The following DAPK2 variants were observed in gnomAD, a reference collection of about 807,000 sequenced individuals.
The protein encoded by DAPK2 is death associated protein kinase 2.
A neutral mutation model predicts 44.1 loss-of-function variants in DAPK2; 35 were observed. The ratio of observed to expected loss-of-function variants is 0.79; its 90% CI spans 0.61 to 1.05. The LOEUF is 1.05. Among genes scored for constraint, DAPK2 ranks in the 50% least tolerant of loss-of-function variants. The pLI, the probability that DAPK2 is intolerant of heterozygous loss-of-function variation, is 0.00. For missense variants in DAPK2, 453 were observed against 483.2 expected, an observed-to-expected ratio of 0.94 and a Z score of 0.59; for synonymous variants, 174 against 182.6, an observed-to-expected ratio of 0.95 and a Z score of 0.38.
intron 2 of DAPK2, 39 bp downstream of exon 3, chr15:63,983,494 C>G: frequency 6.3e-7 from 1 of 1,591,508 alleles, no homozygotes; most frequent in East Asian, 2.2e-5. Context: ...CCTGCCCCTG[C>G]TGCCCCCCAA....
chr15:63,983,769 A>T lies in DAPK2; in HGVS notation c.93-15T>A. 1 of 1,605,928 alleles carries T rather than the reference A, an allele frequency of 6.2e-7. No homozygotes were observed. Among genetic ancestry groups the T allele is most frequent in the South Asian group, 1.1e-5 (1 of 90,892 alleles). The stretch of plus-strand genomic sequence containing the variant: ...CAAACTGGCCACTGTGGGGACACAG[A>T]CCCACAAGATTAGGTCATCACTGTG... On this transcript the variant is annotated splice_polypyrimidine_tract_variant and intron_variant, in intron 1 of 10. Coordinates refer to ENST00000261891, the Ensembl canonical transcript of DAPK2.
At chr15:63,986,941 G>T (rs926015182) in intron 1 of DAPK2, among the ~76,000 whole-genome samples, 1 of 152,118 alleles carries the variant, frequency 6.6e-6, no homozygotes, top group Non-Finnish European at 1.5e-5. Context: ...CTCATTTTCA[G>T]TATTACACTT....
chr15:64,010,893 A>C (rs949458253), intron 1 of DAPK2, among the ~76,000 whole-genome samples: 9 of 152,150 alleles, frequency 5.9e-5, no homozygotes, highest in Non-Finnish European at 1.5e-5. Flanking sequence ...ACCGCATCAC[A>C]AGAGGGTTCA....
In DAPK2 at chr15:63,912,007, G is replaced by A; in HGVS notation, c.949-16C>T. On this transcript the variant is annotated splice_polypyrimidine_tract_variant and intron_variant, in intron 9 of 10. Coordinates refer to ENST00000261891, the Ensembl canonical transcript of DAPK2. This position sits in a 1 kb window ranked among gnomAD's most constrained non-coding sequence, Gnocchi z 4.4. ...TGAAGGAAAGCTGAGGGAGGCAGAG[G>A]AAAGGAATCCCCAGGTGAGAATGTG... 1.9e-6 allele frequency: 3 copies of A among 1,612,872 alleles called. No individual in the cohort carries two copies. The highest frequency in any genetic ancestry group is 2.5e-6 in the Non-Finnish European group (3 of 1,179,492).
At chr15:64,002,974 C>CTGTGTG (rs58879927) in intron 1 of DAPK2, among the ~76,000 whole-genome samples, 3,259 of 51,528 alleles carry the variant, frequency 0.063, 415 homozygotes, top group East Asian at 0.18. Context: ...GTCGTGGGAC[C>CTGTGTG]TGTGTGTGTG....
In DAPK2 at chr15:63,982,839, G is replaced by A. The variant is rs965116819; in HGVS notation, c.314+694C>T. Among the ~76,000 whole-genome samples the A allele has an allele frequency of 2.1e-4, 32 of 152,312 alleles. No homozygotes were observed. The East Asian group carries it at 5.2e-3, about 25-fold the overall frequency. On this transcript the variant is annotated intron_variant, in intron 2 of 10. Transcript: ENST00000261891. ...ATGGGGATAATAAGAGTGTCTGTGT[G>A]ACAGCGTTGTTATGAGGATTAAATA...
intron 1 of DAPK2, among the ~76,000 whole-genome samples, chr15:64,011,920 C>G (rs1373245173): frequency 2.6e-5 from 4 of 152,164 alleles, no homozygotes; most frequent in Non-Finnish European, 5.9e-5. Context: ...TCCCAGGAAG[C>G]AAAACCCCTC....
In DAPK2 at chr15:63,971,183, G is replaced by A. The variant is rs375361005; in HGVS notation, c.453+240C>T. Reference sequence around the variant, plus strand: ...GCTCCCTGAAATAAATAAGGTGCCTGAAGTCTGATTTAAGCAGCTTCTTGC... The same window carrying A: ...GCTCCCTGAAATAAATAAGGTGCCTAAAGTCTGATTTAAGCAGCTTCTTGC... On this transcript the variant is annotated intron_variant, in intron 3 of 10. Coordinates refer to ENST00000261891, the Ensembl canonical transcript of DAPK2. Among the ~76,000 whole-genome samples the A allele has an allele frequency of 3.9e-5, 6 of 152,194 alleles. No individual in the cohort carries two copies. The East Asian group carries it at 9.6e-4, about 24-fold the overall frequency.
intron 10 of DAPK2, chr15:63,909,679 G>A (rs1284438623): frequency 6.6e-6 from 1 of 152,166 alleles, no homozygotes; most frequent in Non-Finnish European, 1.5e-5. Context: ...GTGCAAGCCT[G>A]TAATCCCAGC....
intron 3 of DAPK2, among the ~76,000 whole-genome samples, chr15:63,962,173 G>C (rs2077920887): frequency 6.6e-6 from 1 of 152,162 alleles, no homozygotes; most frequent in Non-Finnish European, 1.5e-5. Flanking sequence ...TAGTTCTCGT[G>C]CCAGGGTTTT....
intron 1 of DAPK2, among the ~76,000 whole-genome samples, chr15:64,012,786 G>C (rs1331605789): frequency 6.6e-6 from 1 of 152,180 alleles, no homozygotes; most frequent in African/African-American, 2.4e-5. Flanking sequence ...GGACTAGAGA[G>C]GTTCAGGAGG....
intron 10 of DAPK2, chr15:63,909,333 C>G (rs75474991): frequency 8.2e-6 from 1 of 122,584 alleles, no homozygotes; most frequent in Admixed American, 7.9e-5. Context: ...TATCATTACT[C>G]TTTTTTTTTT....
At chr15:64,044,200 A>AATGTT (rs1218096325), upstream of DAPK2, among the ~76,000 whole-genome samples, 7 of 152,218 alleles carry the variant, frequency 4.6e-5, no homozygotes, top group Non-Finnish European at 7.3e-5. Context: ...ACAGGCCATC[A>AATGTT]GCTCCAGATG....
intron 3 of DAPK2, among the ~76,000 whole-genome samples, chr15:63,954,004 T>C (rs1278419530): frequency 6.6e-6 from 1 of 152,208 alleles, no homozygotes; most frequent in Non-Finnish European, 1.5e-5. Context: ...ATCAGATTAT[T>C]AGATTTTTTT....
At chr15:63,997,369 C>A (rs760127256) in intron 1 of DAPK2, among the ~76,000 whole-genome samples, 1 of 152,134 alleles carries the variant, frequency 6.6e-6, no homozygotes, top group Non-Finnish European at 1.5e-5. Flanking sequence ...GCTCTGTCAC[C>A]CAGGCTGGAG....
rs2079642728 is a variant in DAPK2 at position 64,020,082 on chromosome 15, G to C, written c.92+20088C>G. Among the ~76,000 whole-genome samples, 1 of 152,200 alleles carries C rather than the reference G, an allele frequency of 6.6e-6. No homozygotes were observed. The highest frequency in any genetic ancestry group is 2.4e-5 in the African/African-American group (1 of 41,446). The stretch of plus-strand genomic sequence containing the variant: ...TACTGTGCCATAAGCCATGGCTCTA[G>C]ATGAGTGATTCCTGCCCCAGCTGAG... On this transcript the variant is annotated intron_variant, in intron 1 of 10. Coordinates refer to ENST00000261891, the Ensembl canonical transcript of DAPK2. This position sits in a 1 kb window ranked among gnomAD's most constrained non-coding sequence, Gnocchi z 4.5.
intron 1 of DAPK2, among the ~76,000 whole-genome samples, chr15:63,984,601 G>C (rs769300586): frequency 1.3e-5 from 2 of 152,176 alleles, no homozygotes; most frequent in Non-Finnish European, 2.9e-5. Context: ...AGTCCTCAGA[G>C]ACTTCCCAGT....
intron 3 of DAPK2, chr15:63,942,322 A>AG: frequency 1.1e-6 from 1 of 879,848 alleles, no homozygotes; most frequent in East Asian, 1.2e-4. Context: ...AGGCCAAGGC[A>AG]GGGGGTATCA....
At position 63,939,907 on chromosome 15, in the gene DAPK2, G is replaced by A. The variant is rs530538324; in HGVS notation, c.454-546C>T. 1.6e-4 allele frequency among the ~76,000 whole-genome samples: 25 copies of A among 152,274 alleles called. No individual in the cohort carries two copies. The highest frequency in any genetic ancestry group is 5.3e-4 in the African/African-American group (22 of 41,550). ...CTGTGTAGCCCACACTTCTCTCTGC[G>A]TTTAACTAATTTTGGTCCTCAGCAG... On this transcript the variant is annotated intron_variant, in intron 3 of 10. Transcript: ENST00000261891. The surrounding 1 kb of genome is among the most constrained non-coding windows in gnomAD (Gnocchi z 4.3).
Sources: gnomAD v4.1 joint callset for allele counts (sites outside exome capture counted in the v4.1 genomes callset) on GRCh38, gnomAD v4.1.1 for gene constraint, Gnocchi (gnomAD v3.1) non-coding constraint, MANE v1.5 for transcripts, NCBI Gene and HGNC (gene_info 2026-07-23, HGNC 2026-07-21) for gene names.